BCAS1: variants seen among roughly 807,000 people sequenced by gnomAD.
The protein encoded by BCAS1 is brain enriched myelin associated protein 1.
In BCAS1, 46 loss-of-function variants were observed where a neutral mutation model predicts 65.4. The observed-to-expected ratio is 0.70, with a 90% CI of 0.55 to 0.90. The LOEUF (loss-of-function observed/expected upper bound fraction) is 0.90, where lower values mean the gene tolerates loss of function less well. Among genes scored for constraint, BCAS1 ranks in the 40% least tolerant of loss-of-function variants. The probability of loss-of-function intolerance (pLI) is 0.00; values close to 1 mark genes in which losing one functional copy is unlikely to be tolerated. For synonymous variants in BCAS1, 298 were observed against 293.5 expected (o/e 1.02, Z -0.16); for missense variants, 793 against 771.2 (o/e 1.03, Z -0.33).
At chr20:53,948,359 A>T (rs199665192) in intron 12 of BCAS1, among the ~76,000 whole-genome samples, 1 of 151,846 alleles carries the variant, frequency 6.6e-6, no homozygotes, top group South Asian at 2.1e-4. Context: ...TTCATTTATT[A>T]AAAAAAAATT....
At chr20:54,011,119 T>C (rs2091310237) in intron 4 of BCAS1, among the ~76,000 whole-genome samples, 7 of 151,514 alleles carry the variant, frequency 4.6e-5, no homozygotes, top group Admixed American at 4.6e-4. Flanking sequence ...ACCTCAAATA[T>C]AAAACTTTTA....
intron 11 of BCAS1, among the ~76,000 whole-genome samples, chr20:53,954,294 GGAGAGAGAGA>G (rs71196437): frequency 0.061 from 7,693 of 125,894 alleles, 359 homozygotes; most frequent in East Asian, 0.26. Flanking sequence ...GCTGAGAAAT[GGAGAGAGAGA>G]GAGAGAGAGA....
intron 3 of BCAS1, among the ~76,000 whole-genome samples, chr20:54,035,400 CAAAAAAA>C (rs1288429763): frequency 9.7e-5 from 6 of 62,066 alleles, no homozygotes; most frequent in Non-Finnish European, 1.9e-4. Context: ...GACTCCGTCT[CAAAAAAA>C]AAAAAAAAAA....
chr20:54,031,853 T>C, intron 3 of BCAS1, among the ~76,000 whole-genome samples: 1 of 151,082 alleles, frequency 6.6e-6, no homozygotes, highest in African/African-American at 2.4e-5. Context: ...ACCAAATCTA[T>C]GATTGATTGG....
At chr20:53,968,131 C>G (rs2090084934) in intron 9 of BCAS1, among the ~76,000 whole-genome samples, 1 of 152,234 alleles carries the variant, frequency 6.6e-6, no homozygotes, top group Non-Finnish European at 1.5e-5. Context: ...GTAGCTGAGA[C>G]TATCAGCACA....
chr20:53,986,303 A>G (rs1364426395), intron 7 of BCAS1, among the ~76,000 whole-genome samples: 2 of 151,824 alleles, frequency 1.3e-5, no homozygotes, highest in Non-Finnish European at 1.5e-5. Context: ...CTGAAGTCCA[A>G]TTCCAGGACA....
chr20:54,000,052 G>C (rs550382668), intron 4 of BCAS1, among the ~76,000 whole-genome samples: 5 of 152,248 alleles, frequency 3.3e-5, no homozygotes, highest in African/African-American at 1.2e-4. Flanking sequence ...TTTCATCGAG[G>C]TCTTTCTTTA....
At chr20:53,946,177 C>T (rs1261000827) in intron 12 of BCAS1, among the ~76,000 whole-genome samples, 1 of 152,084 alleles carries the variant, frequency 6.6e-6, no homozygotes, top group African/African-American at 2.4e-5. Context: ...GTTAGACCAA[C>T]ACAAATAGCC....
At chr20:54,027,969 A>C (rs1410782320) in intron 4 of BCAS1, among the ~76,000 whole-genome samples, 1 of 152,230 alleles carries the variant, frequency 6.6e-6, no homozygotes, top group East Asian at 1.9e-4. Flanking sequence ...TATTAACAGT[A>C]AGGGACGAAA....
intron 4 of BCAS1, among the ~76,000 whole-genome samples, chr20:54,001,953 T>C (rs2091065806): frequency 6.6e-6 from 1 of 152,092 alleles, no homozygotes; most frequent in Admixed American, 6.6e-5. Flanking sequence ...CTCTACCCAG[T>C]GCCTTATTAA....
intron 9 of BCAS1, among the ~76,000 whole-genome samples, chr20:53,972,776 T>G (rs2090213919): frequency 6.6e-6 from 1 of 152,206 alleles, no homozygotes; most frequent in South Asian, 2.1e-4. Flanking sequence ...GTTATAGACA[T>G]GATCTCCAAT....
chr20:53,995,822 G>T (rs965700487), intron 5 of BCAS1, 70 bp downstream of exon 5: 15 of 1,437,446 alleles, frequency 1.0e-5, no homozygotes, highest in Non-Finnish European at 1.4e-5. Context: ...ATTCAAATGT[G>T]CATTATTCTT....
chr20:54,031,482 T>A (rs1269742916), intron 3 of BCAS1, among the ~76,000 whole-genome samples: 1 of 151,226 alleles, frequency 6.6e-6, no homozygotes, highest in Non-Finnish European at 1.5e-5. Flanking sequence ...GGCTTCTATT[T>A]CCTTTGCTCA....
At chr20:53,972,309 A>G (rs1431323998) in intron 9 of BCAS1, among the ~76,000 whole-genome samples, 1 of 152,196 alleles carries the variant, frequency 6.6e-6, no homozygotes, top group African/African-American at 2.4e-5. Flanking sequence ...TGTTTTACAC[A>G]TTCCTTCAAT....
intron 9 of BCAS1, among the ~76,000 whole-genome samples, chr20:53,970,400 T>G (rs34239744): frequency 7.4e-4 from 112 of 152,354 alleles, no homozygotes; most frequent in Admixed American, 1.2e-3. Flanking sequence ...AGAACAATCT[T>G]GGCTAAATAA....
rs552075586 is a variant in BCAS1 at position 53,949,220 on chromosome 20, A to C, written c.1815+4212T>G. Among the ~76,000 whole-genome samples, 104 of 107,550 alleles carry C rather than the reference A, an allele frequency of 9.7e-4. No individual in the cohort carries two copies. The South Asian group carries it at 0.012, about 13-fold the overall frequency. The allele number at this position is 107,550 out of a possible 152,430, so 70.6% of individuals were successfully genotyped here. A position where few individuals can be genotyped will look rare whatever the true frequency, so the allele number is the denominator to read the frequency against. ...CATATATCCGCACACACACACACACACACCCAGGTTTTGTGACATTTTCTT... is the reference window on the plus strand; with the variant it reads ...CATATATCCGCACACACACACACACCCACCCAGGTTTTGTGACATTTTCTT... On this transcript the variant is annotated intron_variant, in intron 12 of 12. Coordinates refer to ENST00000688948, the MANE Select transcript of BCAS1 (RefSeq NM_001366298.2).
At chr20:54,068,081 C>A (rs1342570081) in intron 1 of BCAS1, among the ~76,000 whole-genome samples, 2 of 152,186 alleles carry the variant, frequency 1.3e-5, no homozygotes, top group Non-Finnish European at 2.9e-5. Flanking sequence ...CTACAGGTTG[C>A]CTCCTGTACA....
chr20:53,975,098 G>A (rs150818555), intron 9 of BCAS1, among the ~76,000 whole-genome samples: 5 of 152,272 alleles, frequency 3.3e-5, no homozygotes, highest in Admixed American at 3.3e-4. Flanking sequence ...TCAAGGAAGC[G>A]CAAAGCTGTT....
intron 12 of BCAS1, among the ~76,000 whole-genome samples, chr20:53,946,732 A>G (rs2089337360): frequency 6.6e-6 from 1 of 151,004 alleles, no homozygotes; most frequent in Non-Finnish European, 1.5e-5. Context: ...AGTATAGTAA[A>G]TAAAGTATAG....
Sources: gnomAD v4.1 joint callset for allele counts (sites outside exome capture counted in the v4.1 genomes callset) on GRCh38, gnomAD v4.1.1 for gene constraint, MANE v1.5 for transcripts, NCBI Gene and HGNC (gene_info 2026-07-23, HGNC 2026-07-21) for gene names.